Variants in SLC12A1 observed in about 807,000 individuals in gnomAD.
SLC12A1 encodes solute carrier family 12 member 1.
A neutral mutation model predicts 130.4 loss-of-function variants in SLC12A1; 89 were observed. That is an observed-to-expected ratio of 0.68 (90% CI 0.58 to 0.81). The LOEUF is 0.81. Ranked by LOEUF, SLC12A1 falls within the 40% of genes least tolerant of loss-of-function variation. The probability of loss-of-function intolerance (pLI) is 0.00; values close to 1 mark genes in which losing one functional copy is unlikely to be tolerated. For missense variants in SLC12A1, 1,310 were observed against 1,336.4 expected (o/e 0.98, Z 0.31); for synonymous variants, 499 against 460.0 (o/e 1.08, Z -1.09).
chr15:48,242,033 G>T (rs147788362), intron 10 of SLC12A1, among the ~76,000 whole-genome samples: 16 of 152,318 alleles, frequency 1.1e-4, no homozygotes, highest in African/African-American at 3.8e-4. Context: ...ATTTGTGACT[G>T]TGTCTCATCC....
intron 24 of SLC12A1, among the ~76,000 whole-genome samples, chr15:48,298,470 G>A (rs984292882): frequency 6.6e-6 from 1 of 152,136 alleles, no homozygotes; most frequent in Non-Finnish European, 1.5e-5. Context: ...AAACATTATT[G>A]ATTTTTGTTC....
At chr15:48,225,468 T>C (rs956681319) in intron 4 of SLC12A1, 3 of 152,184 alleles carry the variant, frequency 2.0e-5, no homozygotes, top group African/African-American at 7.2e-5. Flanking sequence ...AGTGCAAGCC[T>C]GTAGTCCCAG....
At chr15:48,252,756 G>A (rs1183541437) in intron 15 of SLC12A1, among the ~76,000 whole-genome samples, 2 of 151,988 alleles carry the variant, frequency 1.3e-5, no homozygotes, top group African/African-American at 4.8e-5. Context: ...GTCAGGGAAT[G>A]GTATTTTGGG....
chr15:48,293,059 G>A (rs2042137948), intron 24 of SLC12A1, among the ~76,000 whole-genome samples: 1 of 152,116 alleles, frequency 6.6e-6, no homozygotes, highest in Non-Finnish European at 1.5e-5. Flanking sequence ...GGGACCACAA[G>A]CACATGCCAC....
chr15:48,217,945 T>A (rs1044721345), intron 2 of SLC12A1: 21 of 148,962 alleles, frequency 1.4e-4, no homozygotes, highest in Admixed American at 1.4e-3. Context: ...TAGATGGGAC[T>A]AGAGGTGCAT....
intron 17 of SLC12A1, among the ~76,000 whole-genome samples, chr15:48,264,161 C>T (rs2041805692): frequency 6.6e-6 from 1 of 152,170 alleles, no homozygotes; most frequent in Non-Finnish European, 1.5e-5. Context: ...TATTTTCATT[C>T]ATGTTTTTCT....
intron 22 of SLC12A1, 89 bp downstream of exon 22, chr15:48,288,263 G>C (rs1376096453): frequency 7.6e-7 from 1 of 1,309,764 alleles, no homozygotes; most frequent in Non-Finnish European, 1.1e-6. Flanking sequence ...AACAATACTG[G>C]TTAAAGAATA....
chr15:48,207,628 A>G lies in SLC12A1; in HGVS notation c.-92A>G. The G allele has an allele frequency of 9.4e-7, 1 of 1,062,206 alleles. No homozygotes were observed. Among genetic ancestry groups the G allele is most frequent in the Non-Finnish European group, 1.3e-6 (1 of 767,606 alleles). 65.8% of individuals were successfully genotyped at this position (1,062,206 alleles called of 1,614,324 possible). A position where few individuals can be genotyped will look rare whatever the true frequency, so the allele number is the denominator to read the frequency against. ...ACAAAAGCCAGGAGCTCCCTAATGG[A>G]AGCACATTAGTGTTTATTTTGATGA... On this transcript the variant is annotated 5_prime_UTR_variant, in exon 2 of 27. Transcript: ENST00000380993.
At position 48,299,269 on chromosome 15, in the gene SLC12A1, G is replaced by T. The variant is rs761395067; in HGVS notation, c.3090G>T (p.Lys1030Asn). ...CAGATGCAGAACTGGAAGCAGTCAA[G>T]GAAAAGGTAAGGATTTGTCTTTCTT... is the stretch of plus-strand genomic sequence containing the variant. ...KITDAELEAV[K>N]EKSYRQVRLN... Residue 1030 changes from lysine (K) to asparagine (N), a missense_variant, in exon 25 of 27, where the codon AAG (lysine) becomes AAT (asparagine). Coordinates refer to ENST00000380993, the MANE Select transcript of SLC12A1 (RefSeq NM_000338.3). 1 of 1,593,126 alleles carries T rather than the reference G, an allele frequency of 6.3e-7. No individual in the cohort carries two copies. The highest frequency in any genetic ancestry group is 8.5e-7 in the Non-Finnish European group (1 of 1,173,224).
chr15:48,300,185 T>C (rs2042217363), intron 25 of SLC12A1, among the ~76,000 whole-genome samples: 1 of 151,756 alleles, frequency 6.6e-6, no homozygotes, highest in South Asian at 2.1e-4. Flanking sequence ...TTACAAAAAT[T>C]AGCCTGGTGA....
rs2042043496 is a variant in SLC12A1 at position 48,285,110 on chromosome 15, A to G, written c.2490A>G (p.Glu830=). The stretch of plus-strand genomic sequence containing the variant: ...GATTTTGTCTTCTTTCATCAGAGGA[A>G]TTAGAGAGATTAGAACAGGAGAGAC... ...DISQVLQVQE[E]LERLEQERLA... The change falls in exon 21 of 27, where the codon GAA becomes GAG. Residue 830 remains glutamate, a synonymous_variant. Coordinates refer to ENST00000380993, the MANE Select transcript of SLC12A1 (RefSeq NM_000338.3). The G allele has an allele frequency of 2.5e-6, 4 of 1,596,006 alleles. No homozygotes were observed. Among genetic ancestry groups the G allele is most frequent in the Non-Finnish European group, 3.4e-6 (4 of 1,172,482 alleles).
At chr15:48,251,594 T>G in intron 14 of SLC12A1, 21 bp from the exon 15 acceptor site, 1 of 1,603,434 alleles carries the variant, frequency 6.2e-7, no homozygotes, top group Non-Finnish European at 8.5e-7. Flanking sequence ...GAAGTTTTCC[T>G]TCTGCATATT....
chr15:48,264,866 T>C (rs75372082), intron 17 of SLC12A1, among the ~76,000 whole-genome samples: 2 of 152,300 alleles, frequency 1.3e-5, no homozygotes, highest in East Asian at 3.9e-4. Context: ...CATCAACTTC[T>C]CCACACTACA....
In SLC12A1 at chr15:48,302,934, G is replaced by GT; in HGVS notation, c.*49_*50insT. The GT allele has an allele frequency of 7.2e-7, 1 of 1,389,546 alleles. No homozygotes were observed. Among genetic ancestry groups the GT allele is most frequent in the Non-Finnish European group, 1.0e-6 (1 of 992,352 alleles). The allele number at this position is 1,389,546 out of a possible 1,614,324, so 86.1% of individuals were successfully genotyped here. ...TTAACTTAATGTAATGCATAATTAA[G>GT]AAACATGTTCCAGTACTTTATGTTG... On this transcript the variant is annotated 3_prime_UTR_variant, in exon 27 of 27. Transcript: ENST00000380993.
chr15:48,296,742 A>G (rs1566860710), intron 24 of SLC12A1, among the ~76,000 whole-genome samples: 1 of 152,210 alleles, frequency 6.6e-6, no homozygotes, highest in African/African-American at 2.4e-5. Context: ...TTCTATAGTC[A>G]ATTAAAAGTA....
At chr15:48,248,083 T>G (rs2041603954) in intron 13 of SLC12A1, among the ~76,000 whole-genome samples, 1 of 152,166 alleles carries the variant, frequency 6.6e-6, no homozygotes, top group Non-Finnish European at 1.5e-5. Flanking sequence ...TGCACATTTC[T>G]CTCTCCTCCC....
At chr15:48,220,828 T>G (rs1205722067) in intron 3 of SLC12A1, 63 bp downstream of exon 3, 2 of 1,611,712 alleles carry the variant, frequency 1.2e-6, no homozygotes, top group African/African-American at 2.7e-5. Flanking sequence ...GGATTAAGAG[T>G]GAACAAGGCC....
At position 48,267,618 on chromosome 15, in the gene SLC12A1, T is replaced by TG. The variant is rs1193553677; in HGVS notation, c.2214dup (p.Leu739AlafsTer44). 5 of 1,613,598 alleles carry TG rather than the reference T, an allele frequency of 3.1e-6. No homozygotes were observed. The highest frequency in any genetic ancestry group is 1.3e-5 in the African/African-American group (1 of 75,004). On this transcript the variant is annotated frameshift_variant, in exon 18 of 27. Coordinates refer to ENST00000380993, the MANE Select transcript of SLC12A1 (RefSeq NM_000338.3). LOFTEE classifies it high-confidence loss of function. The stretch of plus-strand genomic sequence containing the variant: ...CAGTGGCATGGCGAAAAAACAGGCC[T>TG]GGCTTATAAAGAACAAAATCAAGGC...
chr15:48,277,319 A>AT (rs1166723080), intron 20 of SLC12A1, among the ~76,000 whole-genome samples: 1 of 151,952 alleles, frequency 6.6e-6, no homozygotes, highest in Non-Finnish European at 1.5e-5. Flanking sequence ...AAATTAAAAA[A>AT]TTTTTAAAAA....
Sources: gnomAD v4.1 joint callset for allele counts (sites outside exome capture counted in the v4.1 genomes callset) on GRCh38, gnomAD v4.1.1 for gene constraint, MANE v1.5 for transcripts, NCBI Gene and HGNC (gene_info 2026-07-23, HGNC 2026-07-21) for gene names.